Variants in TSHZ2 observed in about 807,000 individuals in gnomAD.
TSHZ2 encodes the protein teashirt homolog 2.
A neutral mutation model predicts 74.4 loss-of-function variants in TSHZ2; 21 were observed. The ratio of observed to expected loss-of-function variants is 0.28; its 90% CI spans 0.20 to 0.41. The LOEUF is 0.41. TSHZ2 is among the 10% of genes least tolerant of loss of function. TSHZ2 has a pLI of 1.00. For missense variants in TSHZ2, 1,244 were observed against 1,293.5 expected (o/e 0.96, Z 0.59); for synonymous variants, 540 against 515.3 (o/e 1.05, Z -0.65).
At chr20:52,973,446 C>A (rs1005378333) in intron 1 of TSHZ2, 113 bp downstream of exon 1, 3 of 1,356,828 alleles carry the variant, frequency 2.2e-6, no homozygotes, top group African/African-American at 1.5e-5. Flanking sequence ...GGGGAGTTTG[C>A]GCCGGGTGCC....
chr20:53,042,704 A>G (rs981223728), intron 1 of TSHZ2, among the ~76,000 whole-genome samples: 342 of 132,522 alleles, frequency 2.6e-3, no homozygotes, highest in African/African-American at 9.0e-3. Flanking sequence ...TAGAGAAGAA[A>G]AAAAAAAAAA....
Position 52,972,836 on chromosome 20 carries a change from TC to T in TSHZ2, c.-456del, listed in dbSNP as rs1337235127. ...CCTTCCCAGGATTGCCTTTTTTTTT[TC>T]CTTATCTTTACGCGCGAGTGTGCCT... On this transcript the variant is annotated 5_prime_UTR_variant, in exon 1 of 3. Coordinates refer to ENST00000371497, the MANE Select transcript of TSHZ2 (RefSeq NM_173485.6). 2 of 193,596 alleles carry T rather than the reference TC, an allele frequency of 1.0e-5. No individual in the cohort carries two copies. The highest frequency in any genetic ancestry group is 4.8e-5 in the African/African-American group (2 of 41,252). 12.0% of individuals were successfully genotyped at this position (193,596 alleles called of 1,614,324 possible).
intron 2 of TSHZ2, among the ~76,000 whole-genome samples, chr20:53,355,409 T>C (rs1600827107): frequency 6.6e-6 from 1 of 152,192 alleles, no homozygotes. Context: ...ATTCATACCA[T>C]GGAATGCTAA....
intron 2 of TSHZ2, among the ~76,000 whole-genome samples, chr20:53,470,644 C>T (rs895192062): frequency 1.3e-5 from 2 of 151,942 alleles, no homozygotes; most frequent in South Asian, 4.2e-4. Context: ...TAGTGAAACC[C>T]GCCTCCTAAA....
At chr20:53,202,054 C>T (rs1161482678) in intron 1 of TSHZ2, among the ~76,000 whole-genome samples, 1 of 152,190 alleles carries the variant, frequency 6.6e-6, no homozygotes, top group Non-Finnish European at 1.5e-5. Context: ...GCATATGTGT[C>T]GCTCACATGG....
chr20:53,225,735 C>T (rs1263778650), intron 1 of TSHZ2, among the ~76,000 whole-genome samples: 1 of 152,200 alleles, frequency 6.6e-6, no homozygotes, highest in Admixed American at 6.5e-5. Context: ...GAGGCTTCAA[C>T]CCAGTTATCT....
chr20:53,237,526 TGC>T (rs1293656573), intron 1 of TSHZ2, among the ~76,000 whole-genome samples: 11 of 143,410 alleles, frequency 7.7e-5, no homozygotes, highest in East Asian at 2.1e-4. Context: ...TGTGTGTGTG[TGC>T]GCGTGCATCT....
chr20:52,989,986 T>C (rs1278834739), intron 1 of TSHZ2, among the ~76,000 whole-genome samples: 1 of 151,864 alleles, frequency 6.6e-6, no homozygotes, highest in Non-Finnish European at 1.5e-5. Flanking sequence ...AATTTCTCTT[T>C]ATGTGCTTTG....
chr20:53,378,536 T>G (rs1981744553), intron 2 of TSHZ2, among the ~76,000 whole-genome samples: 1 of 152,106 alleles, frequency 6.6e-6, no homozygotes, highest in Admixed American at 6.5e-5. Flanking sequence ...TGTTTCAGTG[T>G]GTCTCTGAAT....
intron 1 of TSHZ2, among the ~76,000 whole-genome samples, chr20:53,153,395 G>C (rs1362728689): frequency 6.6e-6 from 1 of 152,112 alleles, no homozygotes; most frequent in Non-Finnish European, 1.5e-5. Flanking sequence ...TCTCCTGCTT[G>C]GTCAAGGCTG....
chr20:53,083,073 A>G (rs936578146), intron 1 of TSHZ2, among the ~76,000 whole-genome samples: 4 of 152,196 alleles, frequency 2.6e-5, no homozygotes, highest in African/African-American at 9.6e-5. Context: ...ACTACTTGCA[A>G]CCTAACCTTC....
chr20:53,080,718 C>T (rs1009393212), intron 1 of TSHZ2, among the ~76,000 whole-genome samples: 8 of 152,160 alleles, frequency 5.3e-5, no homozygotes, highest in African/African-American at 1.7e-4. Context: ...GCTCGCCCAC[C>T]GCTCACCTCC....
chr20:53,276,352 T>C (rs1463723973), intron 2 of TSHZ2, among the ~76,000 whole-genome samples: 1 of 152,124 alleles, frequency 6.6e-6, no homozygotes, highest in Non-Finnish European at 1.5e-5. Flanking sequence ...GATATGTCAT[T>C]CCAGGACAGT....
chr20:53,394,441 C>T (rs1187430068), intron 2 of TSHZ2, among the ~76,000 whole-genome samples: 1 of 152,206 alleles, frequency 6.6e-6, no homozygotes, highest in Non-Finnish European at 1.5e-5. Context: ...GCTACAGTTA[C>T]AACTCTCCTT....
chr20:53,141,348 C>T (rs1987397467), intron 1 of TSHZ2, among the ~76,000 whole-genome samples: 1 of 152,148 alleles, frequency 6.6e-6, no homozygotes, highest in African/African-American at 2.4e-5. Flanking sequence ...CTCATTAGTT[C>T]TTAGATAGTG....
chr20:53,199,060 C>G (rs1287872154), intron 1 of TSHZ2, among the ~76,000 whole-genome samples: 1 of 152,174 alleles, frequency 6.6e-6, no homozygotes, highest in African/African-American at 2.4e-5. Context: ...CAGCACCCAT[C>G]TGAGTGTTGC....
At chr20:53,380,139 A>AGG (rs74177494) in intron 2 of TSHZ2, among the ~76,000 whole-genome samples, 2 of 149,424 alleles carry the variant, frequency 1.3e-5, no homozygotes, top group African/African-American at 2.5e-5. Context: ...ATGGTTGGAG[A>AGG]GTGTGTGTGT....
At chr20:52,995,942 T>G (rs1001611793) in intron 1 of TSHZ2, among the ~76,000 whole-genome samples, 1 of 152,194 alleles carries the variant, frequency 6.6e-6, no homozygotes, top group African/African-American at 2.4e-5. Context: ...ACTTTCTATC[T>G]GATCGTAGAC....
intron 1 of TSHZ2, among the ~76,000 whole-genome samples, chr20:53,229,278 C>T (rs867999892): frequency 1.4e-4 from 21 of 151,766 alleles, no homozygotes; most frequent in African/African-American, 4.8e-4. Flanking sequence ...AGTACGTCAC[C>T]TTTGCCCTGG....
Sources: allele counts gnomAD v4.1 joint callset (sites outside exome capture counted in the v4.1 genomes callset), GRCh38; gene constraint gnomAD v4.1.1; transcripts MANE v1.5; gene names NCBI Gene and HGNC (gene_info 2026-07-23, HGNC 2026-07-21).